The following NRSN1 variants were observed in gnomAD, a reference collection of about 807,000 sequenced individuals.
The protein encoded by NRSN1 is neurensin 1, also known as neurensin-1.
NRSN1 carries 14 observed loss-of-function variants against 17.3 expected under a neutral mutation model. That is an observed-to-expected ratio of 0.81 (90% CI 0.54 to 1.27). NRSN1 has a LOEUF of 1.27. Among genes scored for constraint, NRSN1 ranks in the 50% most tolerant of loss-of-function variants. NRSN1 has a pLI of 0.00. For synonymous variants in NRSN1, 79 were observed against 94.2 expected (o/e 0.84, Z 0.93); for missense variants, 209 against 235.9 (o/e 0.89, Z 0.75).
Position 24,145,434 on chromosome 6 carries a change from A to G in NRSN1, c.190-114A>G. 5.6e-6 allele frequency: 4 copies of G among 717,872 alleles called. No individual in the cohort carries two copies. The highest frequency in any genetic ancestry group is 8.7e-6 in the Non-Finnish European group (4 of 460,146). 44.5% of individuals were successfully genotyped at this position (717,872 alleles called of 1,614,324 possible). The stretch of plus-strand genomic sequence containing the variant: ...AAGTGTTTCCTGCAAATTTGGGGTA[A>G]CTGGGAATATTCATTTCTCTCAAGA... On this transcript the variant is annotated intron_variant, in intron 3 of 3. Coordinates refer to ENST00000378491, the MANE Select transcript of NRSN1 (RefSeq NM_080723.5). This position sits in a 1 kb window ranked among gnomAD's most constrained non-coding sequence, Gnocchi z 4.4.
chr6:24,144,728 T>C (rs558081346), intron 3 of NRSN1, among the ~76,000 whole-genome samples: 1 of 152,254 alleles, frequency 6.6e-6, no homozygotes, highest in East Asian at 1.9e-4. Context: ...GACAAAGTTA[T>C]GAAGGGCTAC....
chr6:24,134,665 G>A (rs1760090572), intron 3 of NRSN1, 149 bp downstream of exon 3: 2 of 657,594 alleles, frequency 3.0e-6, no homozygotes. Flanking sequence ...CCTTAGGAAA[G>A]AAGAATCTAA....
chr6:24,140,665 C>T (rs1348411978), intron 3 of NRSN1, among the ~76,000 whole-genome samples: 1 of 152,264 alleles, frequency 6.6e-6, no homozygotes. Context: ...TCCCCGCACG[C>T]CAGGCCGTTC....
chr6:24,126,539 G>A (rs1172576335), intron 1 of NRSN1, among the ~76,000 whole-genome samples, 199 bp downstream of exon 1: 1 of 151,940 alleles, frequency 6.6e-6, no homozygotes, highest in Non-Finnish European at 1.5e-5. Flanking sequence ...TATTAAAATC[G>A]GTGAAAACAT....
chr6:24,141,202 CTCTT>C (rs1246835913), intron 3 of NRSN1: 3 of 1,268,430 alleles, frequency 2.4e-6, no homozygotes, highest in Non-Finnish European at 3.0e-6. Context: ...AATTTTTTGA[CTCTT>C]TCCATTTGGG....
At chr6:24,131,391 T>C (rs1018568335) in intron 2 of NRSN1, among the ~76,000 whole-genome samples, 1 of 152,194 alleles carries the variant, frequency 6.6e-6, no homozygotes, top group Non-Finnish European at 1.5e-5. Flanking sequence ...ACTGTTGCTA[T>C]GAGGGATTTT....
At chr6:24,140,368 T>A (rs1283592688) in intron 3 of NRSN1, among the ~76,000 whole-genome samples, 5 of 152,050 alleles carry the variant, frequency 3.3e-5, no homozygotes, top group African/African-American at 1.2e-4. Flanking sequence ...ACTGCCCAGG[T>A]GAAAGGGTCT....
intron 2 of NRSN1, among the ~76,000 whole-genome samples, chr6:24,130,412 GA>G (rs1263062528): frequency 6.6e-6 from 1 of 152,118 alleles, no homozygotes; most frequent in Non-Finnish European, 1.5e-5. Flanking sequence ...GTAACATGGG[GA>G]CAAAAAGTTA....
At position 24,141,055 on chromosome 6, in the gene NRSN1, T is replaced by A. The variant is rs1043556399; in HGVS notation, c.190-4493T>A. ...AGGCCCTTCTCTGTCGCCATTGGGA[T>A]TGGCCTTACCACCCTAAGGCCCCAG... On this transcript the variant is annotated intron_variant, in intron 3 of 3. Transcript: ENST00000378491. 9 of 1,466,192 alleles carry A rather than the reference T, an allele frequency of 6.1e-6. No homozygotes were observed. In the East Asian group the frequency reaches 8.3e-5, roughly 13 times the overall value. The allele number at this position is 1,466,192 out of a possible 1,614,324, so 90.8% of individuals were successfully genotyped here.
intron 2 of NRSN1, among the ~76,000 whole-genome samples, chr6:24,133,853 T>C (rs1760073565): frequency 6.6e-6 from 1 of 152,198 alleles, no homozygotes; most frequent in African/African-American, 2.4e-5. Context: ...GTTTGTTTTA[T>C]TGAGACGGAG....
intron 1 of NRSN1, among the ~76,000 whole-genome samples, chr6:24,127,358 G>A (rs935082589): frequency 6.6e-6 from 1 of 152,310 alleles, no homozygotes; most frequent in East Asian, 1.9e-4. Flanking sequence ...TCAGGCCTCA[G>A]CTAGGCTTAC....
At chr6:24,134,127 G>T (rs146697490) in intron 2 of NRSN1, among the ~76,000 whole-genome samples, 192 bp from the exon 3 acceptor site, 2,887 of 152,126 alleles carry the variant, frequency 0.019, 85 homozygotes, top group African/African-American at 0.065. Context: ...GCCTCCCAAA[G>T]TGCTGGGATT....
intron 2 of NRSN1, among the ~76,000 whole-genome samples, chr6:24,132,579 A>G (rs1489791494): frequency 6.6e-6 from 1 of 152,216 alleles, no homozygotes; most frequent in African/African-American, 2.4e-5. Context: ...ATTTATTTGA[A>G]AACACAAAAA....
rs751622322 is a variant in NRSN1, at chr6:24,145,662, G to A, written c.304G>A (p.Asp102Asn). ...AFGEADFVVV[D>N]THAVQFNSAL... is the part of the protein sequence containing the mutation. ...TGGCGAAGCCGATTTTGTGGTGGTC[G>A]ACACACATGCTGTCCAGTTTAACAG... The change falls in exon 4 of 4, where the codon GAC becomes AAC. Residue 102 changes from aspartate (D) to asparagine (N), a missense_variant. Asp to Asn is a conservative substitution (Grantham distance 23). Transcript: ENST00000378491. The surrounding 1 kb of genome is among the most constrained non-coding windows in gnomAD (Gnocchi z 4.4). 3.1e-6 allele frequency: 5 copies of A among 1,614,094 alleles called. No individual in the cohort carries two copies. Among genetic ancestry groups the A allele is most frequent in the South Asian group, 2.2e-5 (2 of 91,082 alleles).
At chr6:24,144,284 G>T (rs183282637) in intron 3 of NRSN1, among the ~76,000 whole-genome samples, 284 of 152,236 alleles carry the variant, frequency 1.9e-3, no homozygotes, top group African/African-American at 6.6e-3. Context: ...GGCCATTAAG[G>T]TTCCTTCTCT....
At chr6:24,132,947 T>G (rs1312252710) in intron 2 of NRSN1, among the ~76,000 whole-genome samples, 2 of 152,196 alleles carry the variant, frequency 1.3e-5, no homozygotes, top group African/African-American at 4.8e-5. Context: ...ATTTCACATT[T>G]CCAGCTATAC....
intron 3 of NRSN1, among the ~76,000 whole-genome samples, chr6:24,142,468 T>G (rs1194282243): frequency 6.6e-6 from 1 of 152,094 alleles, no homozygotes; most frequent in Non-Finnish European, 1.5e-5. Context: ...TCTCTCTCTT[T>G]TTTTCCCGAG....
chr6:24,141,050 T>A, intron 3 of NRSN1: 1 of 1,471,980 alleles, frequency 6.8e-7, no homozygotes, highest in Non-Finnish European at 9.0e-7. Flanking sequence ...CTGTCGCCAT[T>A]GGGATTGGCC....
rs1302612590 is a variant in NRSN1 at position 24,146,303 on chromosome 6, T to G, written c.*357T>G. ...CACCAATGGCTAATGTGGTCCATTT[T>G]ATTTTCTAATATTGGTTTATCTAAT... is the stretch of plus-strand genomic sequence containing the variant. On this transcript the variant is annotated 3_prime_UTR_variant, in exon 4 of 4. Coordinates refer to ENST00000378491, the MANE Select transcript of NRSN1 (RefSeq NM_080723.5). 3 of 517,454 alleles carry G rather than the reference T, an allele frequency of 5.8e-6. No individual in the cohort carries two copies. The highest frequency in any genetic ancestry group is 5.7e-5 in the African/African-American group (3 of 52,248). The allele number at this position is 517,454 out of a possible 1,614,324, so 32.1% of individuals were successfully genotyped here.
Sources: gnomAD v4.1 joint callset for allele counts (sites outside exome capture counted in the v4.1 genomes callset) on GRCh38, gnomAD v4.1.1 for gene constraint, Gnocchi (gnomAD v3.1) non-coding constraint, MANE v1.5 for transcripts, NCBI Gene and HGNC (gene_info 2026-07-23, HGNC 2026-07-21) for gene names.